The following ELAVL2 variants were observed in gnomAD, a reference collection of about 807,000 sequenced individuals.
ELAVL2 encodes ELAV like RNA binding protein 2.
A neutral mutation model predicts 34.6 loss-of-function variants in ELAVL2; 4 were observed. The ratio of observed to expected loss-of-function variants is 0.12; its 90% confidence interval spans 0.06 to 0.26. ELAVL2 has a LOEUF of 0.26. ELAVL2 is among the 10% of genes least tolerant of loss of function. ELAVL2 has a pLI of 1.00. For missense variants in ELAVL2, 432 were observed against 442.8 expected (o/e 0.98, Z 0.22); for synonymous variants, 193 against 154.8 (o/e 1.25, Z -1.83).
chr9:23,780,615 G>T (rs960746548), intron 1 of ELAVL2, among the ~76,000 whole-genome samples: 2 of 152,046 alleles, frequency 1.3e-5, no homozygotes, highest in African/African-American at 4.8e-5. Flanking sequence ...TTCATTAATG[G>T]TCAAGGTTAA....
intron 2 of ELAVL2, among the ~76,000 whole-genome samples, chr9:23,753,684 C>T (rs2052738836): frequency 6.6e-6 from 1 of 152,126 alleles, no homozygotes; most frequent in Non-Finnish European, 1.5e-5. Context: ...TCCTCATCGA[C>T]ATTTTCCATC....
chr9:23,709,356 G>A (rs1192134588), intron 3 of ELAVL2, among the ~76,000 whole-genome samples: 1 of 152,120 alleles, frequency 6.6e-6, no homozygotes, highest in Non-Finnish European at 1.5e-5. Context: ...TCACACTCTG[G>A]AGATCAGTTA....
intron 1 of ELAVL2, among the ~76,000 whole-genome samples, chr9:23,797,231 T>A (rs1241772112): frequency 1.3e-5 from 2 of 152,146 alleles, no homozygotes; most frequent in African/African-American, 4.8e-5. Context: ...TGAACCTCTA[T>A]CCTCTGTTTA....
intron 3 of ELAVL2, among the ~76,000 whole-genome samples, chr9:23,709,873 A>G (rs1054447512): frequency 5.9e-5 from 9 of 152,226 alleles, no homozygotes; most frequent in African/African-American, 1.4e-4. Flanking sequence ...TAAAGATGAT[A>G]CAGGGAGTAC....
intron 1 of ELAVL2, among the ~76,000 whole-genome samples, chr9:23,784,954 GT>G (rs1397750082): frequency 6.6e-6 from 1 of 152,212 alleles, no homozygotes; most frequent in East Asian, 1.9e-4. Flanking sequence ...AATGTAATGA[GT>G]TTTTTGTAAA....
chr9:23,789,505 T>G (rs961062250), intron 1 of ELAVL2, among the ~76,000 whole-genome samples: 3 of 152,216 alleles, frequency 2.0e-5, no homozygotes, highest in African/African-American at 7.2e-5. Context: ...CTTTTAATTA[T>G]TTCTCAAAAG....
intron 3 of ELAVL2, among the ~76,000 whole-genome samples, chr9:23,725,374 C>G (rs1264885199): frequency 6.6e-6 from 1 of 152,174 alleles, no homozygotes; most frequent in African/African-American, 2.4e-5. Context: ...TTTAAAACTT[C>G]CATGCCCTAC....
At chr9:23,698,017 G>A (rs905059792) in intron 5 of ELAVL2, among the ~76,000 whole-genome samples, 2 of 152,010 alleles carry the variant, frequency 1.3e-5, no homozygotes, top group Non-Finnish European at 2.9e-5. Context: ...GATTGATACC[G>A]GTTTCTTCCA....
intron 3 of ELAVL2, among the ~76,000 whole-genome samples, chr9:23,716,856 C>G (rs1473057326): frequency 1.3e-5 from 2 of 152,154 alleles, no homozygotes; most frequent in South Asian, 4.1e-4. Flanking sequence ...AAGAGCCCAG[C>G]TGAGCCAGAA....
intron 1 of ELAVL2, among the ~76,000 whole-genome samples, chr9:23,820,779 G>A (rs1224276752): frequency 6.6e-6 from 1 of 152,218 alleles, no homozygotes; most frequent in Non-Finnish European, 1.5e-5. Context: ...CAGCCAAGCT[G>A]GAGGAGCAGC....
intron 2 of ELAVL2, among the ~76,000 whole-genome samples, chr9:23,731,716 TGATCTAGATAA>T (rs2046605169): frequency 6.6e-6 from 1 of 152,166 alleles, no homozygotes; most frequent in Admixed American, 6.6e-5. Flanking sequence ...GAGGGTTTTA[TGATCTAGATAA>T]GAACAGGAAA....
intron 1 of ELAVL2, chr9:23,779,516 T>TAC (rs2058746707): frequency 3.6e-6 from 2 of 556,762 alleles, no homozygotes; most frequent in Admixed American, 6.3e-5. Context: ...CATTCTTCCC[T>TAC]GCCTCCAAAG....
At chr9:23,786,226 G>A (rs2059661086) in intron 1 of ELAVL2, among the ~76,000 whole-genome samples, 1 of 152,106 alleles carries the variant, frequency 6.6e-6, no homozygotes, top group African/African-American at 2.4e-5. Context: ...AACATACCAG[G>A]AAAGTCAAGG....
At chr9:23,745,627 T>C (rs1401956600) in intron 2 of ELAVL2, among the ~76,000 whole-genome samples, 2 of 152,182 alleles carry the variant, frequency 1.3e-5, no homozygotes, top group Non-Finnish European at 2.9e-5. Flanking sequence ...AAAAACCTAA[T>C]GATGACATAT....
chr9:23,741,302 G>T (rs1587971547), intron 2 of ELAVL2, among the ~76,000 whole-genome samples: 1 of 152,142 alleles, frequency 6.6e-6, no homozygotes, highest in Admixed American at 6.5e-5. Context: ...CTGGAAGCAA[G>T]ACTGGCCCAT....
At position 23,740,626 on chromosome 9, in the gene ELAVL2, A is replaced by T. The variant is rs969359229; in HGVS notation, c.230-9501T>A. Among the ~76,000 whole-genome samples the T allele has an allele frequency of 3.3e-5, 5 of 152,078 alleles. 1 individual carries two copies. Among genetic ancestry groups the T allele is most frequent in the African/African-American group, 1.2e-4 (5 of 41,412 alleles). On this transcript the variant is annotated intron_variant, in intron 2 of 6. Transcript: ENST00000397312. ...TGGAACTTCAATTCTTTCTTAATCCATCCAAGAGACTATCTGTGAAAGAAA... is the reference window on the plus strand; with the variant it reads ...TGGAACTTCAATTCTTTCTTAATCCTTCCAAGAGACTATCTGTGAAAGAAA...
At chr9:23,706,467 G>T (rs1259235273) in intron 3 of ELAVL2, among the ~76,000 whole-genome samples, 3 of 152,176 alleles carry the variant, frequency 2.0e-5, no homozygotes, top group Non-Finnish European at 2.9e-5. Context: ...AAGTCATCCA[G>T]ATCTCCTGCC....
At chr9:23,738,837 C>T (rs2048485747) in intron 2 of ELAVL2, among the ~76,000 whole-genome samples, 1 of 152,186 alleles carries the variant, frequency 6.6e-6, no homozygotes, top group African/African-American at 2.4e-5. Context: ...GGCATTTTCC[C>T]TTCAAGTTAA....
intron 1 of ELAVL2, among the ~76,000 whole-genome samples, chr9:23,762,557 A>G (rs1481391513): frequency 6.6e-6 from 1 of 152,096 alleles, no homozygotes; most frequent in Non-Finnish European, 1.5e-5. Flanking sequence ...GTGTCCACAG[A>G]TGAGAAAATC....
Sources: gnomAD v4.1 joint callset for allele counts (sites outside exome capture counted in the v4.1 genomes callset) on GRCh38, gnomAD v4.1.1 for gene constraint, MANE v1.5 for transcripts, NCBI Gene and HGNC (gene_info 2026-07-23, HGNC 2026-07-21) for gene names.